The following AGMO variants were observed in gnomAD, a reference collection of about 807,000 sequenced individuals.
AGMO encodes the protein glyceryl-ether monooxygenase.
In AGMO, 75 loss-of-function variants were observed where a neutral mutation model predicts 60.2. The ratio of observed to expected loss-of-function variants is 1.25; its 90% CI spans 1.03 to 1.51. AGMO has a LOEUF of 1.51. AGMO is among the 40% of genes most tolerant of loss of function. The pLI is 0.00. For missense variants in AGMO, 763 were observed against 525.5 expected (o/e 1.45, Z -4.42); for synonymous variants, 261 against 177.1 (o/e 1.47, Z -3.76).
the AGMO span, among the ~76,000 whole-genome samples, chr7:15,145,005 T>C: frequency 6.6e-6 from 1 of 152,134 alleles, no homozygotes; most frequent in Non-Finnish European, 1.5e-5. Flanking sequence ...AATTTTTTTA[T>C]TTTTAGTAGG....
chr7:15,199,281 C>T (rs1781212385), downstream of AGMO, among the ~76,000 whole-genome samples: 1 of 152,046 alleles, frequency 6.6e-6, no homozygotes, highest in African/African-American at 2.4e-5. Context: ...TAATAGAAAA[C>T]CATTCACAAT....
At chr7:15,151,425 C>A in the AGMO span, among the ~76,000 whole-genome samples, 1 of 151,926 alleles carries the variant, frequency 6.6e-6, no homozygotes, top group African/African-American at 2.4e-5. Context: ...GATTTGAGAT[C>A]TTTCTAACTT....
intron 6 of AGMO, among the ~76,000 whole-genome samples, chr7:15,391,603 C>T (rs1401123002): frequency 6.6e-6 from 1 of 152,126 alleles, no homozygotes; most frequent in Non-Finnish European, 1.5e-5. Context: ...GCTCAACTAT[C>T]CTGTGTTCCC....
intron 12 of AGMO, among the ~76,000 whole-genome samples, chr7:15,333,743 T>G (rs1781568882): frequency 6.6e-6 from 1 of 152,110 alleles, no homozygotes. Flanking sequence ...CAAATTATCT[T>G]ACACTAATCT....
intron 4 of AGMO, among the ~76,000 whole-genome samples, chr7:15,424,155 A>T (rs1354805327): frequency 6.6e-6 from 1 of 152,102 alleles, no homozygotes; most frequent in Non-Finnish European, 1.5e-5. Flanking sequence ...AGCGGTTCTC[A>T]GTGCAAACAC....
intron 5 of AGMO, among the ~76,000 whole-genome samples, chr7:15,401,249 C>G (rs541216475): frequency 6.6e-6 from 1 of 152,082 alleles, no homozygotes; most frequent in East Asian, 1.9e-4. Flanking sequence ...AATAAATGTC[C>G]TGTCTGAAAT....
At position 15,406,004 on chromosome 7, in the gene AGMO, C is replaced by A. The variant is rs150569939; in HGVS notation, c.610-11825G>T. ...TTCCTTGTGTCTAAGAGCTTAAATT[C>A]CAATCCTTTCACAACAGACATTTTT... On this transcript the variant is annotated intron_variant, in intron 5 of 12. Transcript: ENST00000342526. Among the ~76,000 whole-genome samples, 747 of 151,894 alleles carry A rather than the reference C, an allele frequency of 4.9e-3. 1 individual carries two copies. Among genetic ancestry groups the A allele is most frequent in the Middle Eastern group, 0.01 (3 of 294 alleles).
At chr7:15,299,160 CAT>C (rs563573384) in intron 12 of AGMO, among the ~76,000 whole-genome samples, 189 of 152,230 alleles carry the variant, frequency 1.2e-3, no homozygotes, top group Non-Finnish European at 2.0e-3. Context: ...TTTTTTGCTA[CAT>C]ATGAGTTATT....
At chr7:15,460,526 T>C (rs1652044427) in intron 3 of AGMO, among the ~76,000 whole-genome samples, 1 of 152,138 alleles carries the variant, frequency 6.6e-6, no homozygotes, top group African/African-American at 2.4e-5. Flanking sequence ...TTAAATCAGA[T>C]TGTGTTCAAT....
At chr7:15,149,987 T>G in the AGMO span, among the ~76,000 whole-genome samples, 1 of 152,088 alleles carries the variant, frequency 6.6e-6, no homozygotes, top group Non-Finnish European at 1.5e-5. Flanking sequence ...ATCTCTGATT[T>G]GTTTCATTAG....
At chr7:15,261,259 G>C (rs1024193300) in intron 12 of AGMO, among the ~76,000 whole-genome samples, 10 of 151,984 alleles carry the variant, frequency 6.6e-5, no homozygotes, top group African/African-American at 2.4e-4. Context: ...TAGACCGTTA[G>C]TGAGATTAAC....
intron 12 of AGMO, among the ~76,000 whole-genome samples, chr7:15,339,032 G>A (rs1045169247): frequency 2.0e-5 from 3 of 152,172 alleles, no homozygotes. Context: ...ATTGGAATCA[G>A]CATCTTATAA....
At chr7:15,149,292 T>C in the AGMO span, among the ~76,000 whole-genome samples, 3 of 152,208 alleles carry the variant, frequency 2.0e-5, no homozygotes, top group Non-Finnish European at 4.4e-5. Flanking sequence ...TGATCACTTC[T>C]TTTAGCATGC....
intron 12 of AGMO, among the ~76,000 whole-genome samples, chr7:15,336,285 C>A (rs1033037511): frequency 2.0e-5 from 3 of 150,516 alleles, no homozygotes; most frequent in African/African-American, 7.3e-5. Flanking sequence ...GTATGTCCAC[C>A]CAGTTCTTTT....
At chr7:15,496,336 G>C (rs1171118352) in intron 3 of AGMO, among the ~76,000 whole-genome samples, 3 of 152,126 alleles carry the variant, frequency 2.0e-5, no homozygotes, top group Non-Finnish European at 4.4e-5. Context: ...AGAGTGCTGA[G>C]AGTAAATCAA....
chr7:15,507,520 G>C (rs539527908), intron 3 of AGMO, among the ~76,000 whole-genome samples: 1 of 152,164 alleles, frequency 6.6e-6, no homozygotes, highest in East Asian at 1.9e-4. Context: ...GGGTGGAAGA[G>C]AGACACGATG....
At chr7:15,155,534 A>T in the AGMO span, among the ~76,000 whole-genome samples, 32,493 of 146,098 alleles carry the variant, frequency 0.22, 3,660 homozygotes, top group African/African-American at 0.28. Flanking sequence ...ATCTTTCAAC[A>T]ATTATACTGT....
At chr7:15,237,917 A>G (rs1030288375) in intron 12 of AGMO, among the ~76,000 whole-genome samples, 2 of 152,068 alleles carry the variant, frequency 1.3e-5, no homozygotes, top group Non-Finnish European at 2.9e-5. Context: ...AGTCTTTCTC[A>G]GAGATCCGTA....
the AGMO span, among the ~76,000 whole-genome samples, chr7:15,135,315 A>G: frequency 2.0e-5 from 3 of 152,064 alleles, no homozygotes; most frequent in Admixed American, 6.6e-5. Flanking sequence ...ATCGAAGCTG[A>G]TCAGAATCTT....
Sources: allele counts gnomAD v4.1 joint callset (sites outside exome capture counted in the v4.1 genomes callset), GRCh38; gene constraint gnomAD v4.1.1; transcripts MANE v1.5; gene names NCBI Gene and HGNC (gene_info 2026-07-23, HGNC 2026-07-21).